LIMD1: variants seen among roughly 807,000 people sequenced by gnomAD.
LIMD1 encodes the protein LIM domain-containing protein 1.
LIMD1 carries 23 observed loss-of-function variants against 58.4 expected under a neutral mutation model. The observed-to-expected ratio is 0.39, with a 90% CI of 0.28 to 0.56. The LOEUF (loss-of-function observed/expected upper bound fraction) is 0.56, where lower values mean the gene tolerates loss of function less well. Ranked by LOEUF, LIMD1 falls within the 20% of genes least tolerant of loss-of-function variation. The pLI is 0.57. For missense variants in LIMD1, 838 were observed against 855.5 expected, an observed-to-expected ratio of 0.98 and a Z score of 0.25; for synonymous variants, 334 against 345.5, an observed-to-expected ratio of 0.97 and a Z score of 0.37.
intron 2 of LIMD1, among the ~76,000 whole-genome samples, chr3:45,656,222 A>G (rs1056704783): frequency 4.6e-5 from 7 of 152,072 alleles, no homozygotes; most frequent in Admixed American, 2.0e-4. Context: ...ATAAATGTCT[A>G]TTGTTTAAGC....
intron 1 of LIMD1, among the ~76,000 whole-genome samples, chr3:45,625,014 G>A (rs887047860): frequency 3.3e-5 from 5 of 151,818 alleles, no homozygotes; most frequent in South Asian, 2.1e-4. Flanking sequence ...CTTATTTCAC[G>A]TGGAAGGCTG....
At chr3:45,618,076 C>T (rs1465375880) in intron 1 of LIMD1, among the ~76,000 whole-genome samples, 1 of 152,072 alleles carries the variant, frequency 6.6e-6, no homozygotes, top group East Asian at 1.9e-4. Context: ...TGCCTGAGGT[C>T]ACTGACCTCT....
chr3:45,605,179 G>C (rs1387408459), intron 1 of LIMD1, among the ~76,000 whole-genome samples: 1 of 152,230 alleles, frequency 6.6e-6, no homozygotes, highest in Non-Finnish European at 1.5e-5. Context: ...AAAGTCCTGT[G>C]ACAGTGGCAT....
intron 1 of LIMD1, 106 bp from the exon 2 acceptor site, chr3:45,636,044 G>C: frequency 6.4e-7 from 1 of 1,564,160 alleles, no homozygotes; most frequent in East Asian, 2.4e-5. Flanking sequence ...TTGGTGGTGG[G>C]CTGGCCATGG....
At chr3:45,674,911 A>G (rs1027058381) in intron 7 of LIMD1, among the ~76,000 whole-genome samples, 12 of 152,222 alleles carry the variant, frequency 7.9e-5, no homozygotes, top group Admixed American at 6.5e-5. Context: ...CCTTTGTCCC[A>G]ACCCAAGATG....
chr3:45,619,755 C>A (rs1387868222), intron 1 of LIMD1, among the ~76,000 whole-genome samples: 5 of 151,842 alleles, frequency 3.3e-5, no homozygotes. Context: ...GCTGAGATTG[C>A]ACCACTATAC....
chr3:45,613,773 T>C (rs1432096021), intron 1 of LIMD1, among the ~76,000 whole-genome samples: 2 of 152,110 alleles, frequency 1.3e-5, no homozygotes, highest in Non-Finnish European at 2.9e-5. Context: ...GCTGGAATTA[T>C]AGGCATGAGC....
In LIMD1 at chr3:45,595,111, G is replaced by A; in HGVS notation, c.232G>A (p.Val78Ile). The change falls in exon 1 of 8, where the codon GTC becomes ATC. Residue 78 changes from valine (V) to isoleucine (I), a missense_variant. Val to Ile is a conservative substitution (Grantham distance 29, BLOSUM62 3). This residue lies in a region of LIMD1 where 659 missense variants were observed against 639.8 expected (regional missense o/e 1.03). Coordinates refer to ENST00000273317, the MANE Select transcript of LIMD1 (RefSeq NM_014240.3). ...TCTGCCCAGGGGGAGTAGAGGCCCT[G>A]TCAATGGAGGGGGCCGCCTGGGCCC... ...ETLPRGSRGP[V>I]NGGGRLGPQA... 4.3e-6 allele frequency: 7 copies of A among 1,609,864 alleles called. No individual in the cohort carries two copies. Among genetic ancestry groups the A allele is most frequent in the Non-Finnish European group, 5.9e-6 (7 of 1,177,802 alleles).
intron 2 of LIMD1, among the ~76,000 whole-genome samples, chr3:45,642,173 CTTT>C (rs763109409): frequency 4.8e-5 from 7 of 145,000 alleles, no homozygotes; most frequent in South Asian, 2.2e-4. Flanking sequence ...AAAATTGTAT[CTTT>C]TTTTTTTTTT....
intron 2 of LIMD1, among the ~76,000 whole-genome samples, chr3:45,639,402 A>G (rs1175570748): frequency 6.6e-6 from 1 of 152,230 alleles, no homozygotes; most frequent in Non-Finnish European, 1.5e-5. Flanking sequence ...TTGGACTGTT[A>G]TAACAAAGTA....
In LIMD1 at chr3:45,596,809, T is replaced by C. The variant is rs143719810; in HGVS notation, c.1408+522T>C. 2.9e-3 allele frequency among the ~76,000 whole-genome samples: 432 copies of C among 151,568 alleles called. 3 individuals are homozygous for C. Among genetic ancestry groups the C allele is most frequent in the Non-Finnish European group, 4.8e-3 (324 of 67,894 alleles). ...GTGTCTGTGTGTAGATGGGTACTTATGTGCAGTTGAGGCAGGTCAAACACT... is the reference window on the plus strand; with the variant it reads ...GTGTCTGTGTGTAGATGGGTACTTACGTGCAGTTGAGGCAGGTCAAACACT... On this transcript the variant is annotated intron_variant, in intron 1 of 7. Transcript: ENST00000273317.
intron 1 of LIMD1, among the ~76,000 whole-genome samples, chr3:45,627,706 C>CAAAAAA (rs35897504): frequency 1.0e-5 from 1 of 97,204 alleles, no homozygotes; most frequent in Non-Finnish European, 2.0e-5. Flanking sequence ...CTAAAACAAC[C>CAAAAAA]AAAAAAAAAA....
intron 1 of LIMD1, among the ~76,000 whole-genome samples, chr3:45,625,024 G>T (rs1701657411): frequency 6.6e-6 from 1 of 151,982 alleles, no homozygotes; most frequent in African/African-American, 2.4e-5. Flanking sequence ...GTGGAAGGCT[G>T]CCCAGGCCAG....
In LIMD1 at chr3:45,659,599, T is replaced by A. The variant is rs372505665; in HGVS notation, c.1511-6051T>A. 2.1e-5 allele frequency among the ~76,000 whole-genome samples: 3 copies of A among 139,954 alleles called. No homozygotes were observed. In the East Asian group the frequency reaches 5.8e-4, roughly 27 times the overall value. 91.8% of individuals were successfully genotyped at this position (139,954 alleles called of 152,430 possible). A position where few individuals can be genotyped will look rare whatever the true frequency, so the allele number is the denominator to read the frequency against. The stretch of plus-strand genomic sequence containing the variant: ...ATCTCAAAAAAACCCCAAACATATA[T>A]ATATGCTATCCCCAAACATATATAT... On this transcript the variant is annotated intron_variant, in intron 2 of 7. Transcript: ENST00000273317.
chr3:45,668,921 T>G (rs183592000), intron 4 of LIMD1, among the ~76,000 whole-genome samples: 11 of 152,360 alleles, frequency 7.2e-5, no homozygotes, highest in African/African-American at 2.6e-4. Context: ...GGCCTCCCTC[T>G]GGCTTCTCTG....
At chr3:45,607,413 C>T (rs1303141089) in intron 1 of LIMD1, among the ~76,000 whole-genome samples, 2 of 152,022 alleles carry the variant, frequency 1.3e-5, no homozygotes. Flanking sequence ...GGCCAAGTTC[C>T]TTCCTCATCT....
At chr3:45,623,143 A>C (rs1318888706) in intron 1 of LIMD1, among the ~76,000 whole-genome samples, 1 of 152,136 alleles carries the variant, frequency 6.6e-6, no homozygotes, top group Non-Finnish European at 1.5e-5. Flanking sequence ...CCCTCTTTGC[A>C]TGTGACTCCT....
At chr3:45,628,253 A>G (rs1352458444) in intron 1 of LIMD1, among the ~76,000 whole-genome samples, 2 of 152,196 alleles carry the variant, frequency 1.3e-5, no homozygotes. Context: ...GTAGGACTCT[A>G]GCAAAACCTT....
chr3:45,615,337 C>A (rs112523638), intron 1 of LIMD1, among the ~76,000 whole-genome samples: 1,622 of 152,252 alleles, frequency 0.011, 35 homozygotes, highest in African/African-American at 0.035. Context: ...ACAGGGAGGG[C>A]ACCTTTTATT....
Sources: allele counts gnomAD v4.1 joint callset (sites outside exome capture counted in the v4.1 genomes callset), GRCh38; gene constraint gnomAD v4.1.1; regional missense constraint gnomAD v4.1.1; transcripts MANE v1.5; gene names NCBI Gene and HGNC (gene_info 2026-07-23, HGNC 2026-07-21).